Variants in PTCHD1 observed in about 807,000 individuals in gnomAD.
The protein encoded by PTCHD1 is patched domain containing 1, also known as patched domain-containing protein 1.
In PTCHD1, 3 loss-of-function variants were observed where a neutral mutation model predicts 34.6. The ratio of observed to expected loss-of-function variants is 0.09; its 90% CI spans 0.04 to 0.22. PTCHD1 has a LOEUF of 0.22. PTCHD1 is among the 10% of genes least tolerant of loss of function. PTCHD1 has a pLI of 1.00. For missense variants in PTCHD1, 504 were observed against 685.5 expected (o/e 0.74, Z 2.96); for synonymous variants, 305 against 283.1 (o/e 1.08, Z -0.77).
chrX:23,394,382 G>T lies in PTCHD1; in HGVS notation c.*197G>T. On this transcript the variant is annotated 3_prime_UTR_variant, in exon 3 of 3. Coordinates refer to ENST00000379361, the MANE Select transcript of PTCHD1 (RefSeq NM_173495.3). ...TATTTTCAGTCTTTAAAACAAAGGA[G>T]TTGTTATGAGAATTCACACACACAT... is the stretch of plus-strand genomic sequence containing the variant. The T allele has an allele frequency of 6.0e-6, 2 of 334,264 alleles. No homozygotes were observed. Among genetic ancestry groups the T allele is most frequent in the Non-Finnish European group, 5.2e-6 (1 of 192,434 alleles). The allele number at this position is 334,264 out of a possible 1,213,427, so 27.5% of individuals were successfully genotyped here.
chrX:23,350,458 GT>G (rs1186298513), intron 1 of PTCHD1, among the ~76,000 whole-genome samples: 1 of 111,927 alleles, frequency 8.9e-6, no homozygotes, highest in African/African-American at 3.2e-5. Flanking sequence ...GGATGATGCT[GT>G]GTTAACCATT....
chrX:23,393,244 C>G lies in PTCHD1; in HGVS notation c.1726C>G (p.Leu576Val), dbSNP rs1212631256. 1 of 1,209,215 alleles carries G rather than the reference C, an allele frequency of 8.3e-7. No homozygotes were observed. Among genetic ancestry groups the G allele is most frequent in the Non-Finnish European group, 1.1e-6 (1 of 893,192 alleles). Residue 576 changes from leucine (L) to valine (V), a missense_variant, in exon 3 of 3, where the codon CTA becomes GTA. Physicochemically the swap from Leu to Val is conservative, Grantham distance 32. Coordinates refer to ENST00000379361, the MANE Select transcript of PTCHD1 (RefSeq NM_173495.3). ...GAACACTAGTGTCCAAGAAGATGTTCTAGAATACACCAAGGGGTTTGTGCG... is the reference window on the plus strand; with the variant it reads ...GAACACTAGTGTCCAAGAAGATGTTGTAGAATACACCAAGGGGTTTGTGCG... ...YWNTSVQEDVLEYTKGFVRIS... is the reference protein window; with the variant it reads ...YWNTSVQEDVVEYTKGFVRIS...
chrX:23,384,898 AAC>A (rs1172743809), intron 2 of PTCHD1, among the ~76,000 whole-genome samples: 1 of 112,003 alleles, frequency 8.9e-6, no homozygotes, highest in Admixed American at 9.4e-5. Context: ...GGTTCAGCCT[AAC>A]ACATTATTGT....
At chrX:23,365,591 G>A (rs1232209130) in intron 1 of PTCHD1, among the ~76,000 whole-genome samples, 1 of 111,556 alleles carries the variant, frequency 9.0e-6, no homozygotes, top group Admixed American at 9.5e-5. Flanking sequence ...GGGAAGCTCT[G>A]GGAACCAGCT....
At chrX:23,358,575 A>C (rs1178747620) in intron 1 of PTCHD1, among the ~76,000 whole-genome samples, 1 of 111,445 alleles carries the variant, frequency 9.0e-6, no homozygotes, top group Non-Finnish European at 1.9e-5. Flanking sequence ...AAATTGCAAA[A>C]ATTTTCTCCC....
chrX:23,379,317 C>T (rs756612272), intron 1 of PTCHD1, among the ~76,000 whole-genome samples: 5 of 111,872 alleles, frequency 4.5e-5, no homozygotes, highest in Non-Finnish European at 7.5e-5. Flanking sequence ...TCCTGGGCTA[C>T]ACCCCAGAAA....
In PTCHD1 at chrX:23,392,603, A is replaced by T. The variant is rs751507321; in HGVS notation, c.1085A>T (p.Glu362Val). 3.3e-6 allele frequency: 4 copies of T among 1,206,386 alleles called. No individual in the cohort carries two copies. In the South Asian group the frequency reaches 7.1e-5, roughly 21 times the overall value. Residue 362 changes from glutamate (E) to valine (V), a missense_variant, in exon 3 of 3, where the codon GAG becomes GTG. Transcript: ENST00000379361. ...RKTREDQHVK[E>V]RTAAVYADSM... is the part of the protein sequence containing the mutation. ...ACTAGAGAAGACCAACATGTTAAAG[A>T]GAGAACTGCAGCAGTCTATGCAGAC...
At chrX:23,345,570 C>T (rs750166149) in intron 1 of PTCHD1, among the ~76,000 whole-genome samples, 2 of 111,972 alleles carry the variant, frequency 1.8e-5, no homozygotes, top group Admixed American at 1.9e-4. Flanking sequence ...AGAACTTGTT[C>T]GAAACAGATT....
In PTCHD1 at chrX:23,392,879, C is replaced by G; in HGVS notation, c.1361C>G (p.Pro454Arg). 8.3e-7 allele frequency: 1 copy of G among 1,211,645 alleles called. No individual in the cohort carries two copies. Among genetic ancestry groups the G allele is most frequent in the Non-Finnish European group, 1.1e-6 (1 of 895,275 alleles). Residue 454 changes from proline to arginine, a missense_variant, in exon 3 of 3, where the codon CCG (proline) becomes CGG (arginine). Physicochemically the swap from Pro to Arg is moderately radical, Grantham distance 103. Transcript: ENST00000379361. Reference protein sequence around the residue: ...VPKPEALQEKPAWYRFLLTAR... With the variant: ...VPKPEALQEKRAWYRFLLTAR... ...AAGCCTGAGGCATTGCAGGAGAAGC[C>G]GGCATGGTACAGGTTTCTCCTGACG...
chrX:23,335,786 C>A (rs1450359130), intron 1 of PTCHD1, among the ~76,000 whole-genome samples: 1 of 111,408 alleles, frequency 9.0e-6, no homozygotes, highest in Non-Finnish European at 1.9e-5. Flanking sequence ...CCCACCCACC[C>A]AGAAAGAAGT....
chrX:23,364,371 G>GACACACAC (rs200572986), intron 1 of PTCHD1, among the ~76,000 whole-genome samples: 68 of 91,999 alleles, frequency 7.4e-4, no homozygotes, highest in East Asian at 1.8e-3. Context: ...GAAGAGTGTA[G>GACACACAC]ACACACACAC....
chrX:23,354,307 CGT>C (rs1921735163), intron 1 of PTCHD1, among the ~76,000 whole-genome samples: 1 of 109,140 alleles, frequency 9.2e-6, no homozygotes, highest in Non-Finnish European at 1.9e-5. Context: ...TTTGAGTTAA[CGT>C]GTGTAAAGCC....
chrX:23,353,185 G>A (rs1315186515), intron 1 of PTCHD1, among the ~76,000 whole-genome samples: 2 of 112,748 alleles, frequency 1.8e-5, no homozygotes, highest in Non-Finnish European at 3.8e-5. Context: ...TTGTGGTTTT[G>A]CTAATTTACT....
chrX:23,387,403 G>A (rs752182688), intron 2 of PTCHD1, among the ~76,000 whole-genome samples: 156 of 110,567 alleles, frequency 1.4e-3, no homozygotes, highest in African/African-American at 5.0e-3. Context: ...TTTTTTTTCC[G>A]CCATTAGTGT....
chrX:23,335,575 G>A (rs770029155), intron 1 of PTCHD1, among the ~76,000 whole-genome samples: 1 of 113,152 alleles, frequency 8.8e-6, no homozygotes, highest in Non-Finnish European at 1.9e-5. Context: ...GCAAGGAGCA[G>A]AACGAGAGAA....
At chrX:23,364,880 A>G (rs909153238) in intron 1 of PTCHD1, among the ~76,000 whole-genome samples, 1 of 112,696 alleles carries the variant, frequency 8.9e-6, no homozygotes, top group Non-Finnish European at 1.9e-5. Flanking sequence ...CTTTTATTCC[A>G]AATAAAGTAA....
At chrX:23,363,736 G>A (rs1453711095) in intron 1 of PTCHD1, among the ~76,000 whole-genome samples, 1 of 112,541 alleles carries the variant, frequency 8.9e-6, no homozygotes, top group South Asian at 3.6e-4. Context: ...CTTCTACGTC[G>A]ATCACGCTGT....
intron 1 of PTCHD1, among the ~76,000 whole-genome samples, chrX:23,351,864 T>G (rs771580066): frequency 8.9e-6 from 1 of 112,142 alleles, no homozygotes; most frequent in South Asian, 3.7e-4. Flanking sequence ...AAATCACTCT[T>G]TGAGGTATAG....
Position 23,379,898 on chromosome X carries a change from G to A in PTCHD1, c.659G>A (p.Ser220Asn), listed in dbSNP as rs867048783. Residue 220 changes from serine (S) to asparagine (N), a missense_variant, in exon 2 of 3, where the codon AGT (serine) becomes AAT (asparagine). Transcript: ENST00000379361. The part of the protein sequence containing the change: ...QLTYYLQSIN[S>N]LNDMVAERWE... ...ACCTACTACCTGCAGTCAATCAACA[G>A]TCTCAATGACATGGTGGCTGAGAGG... 8.3e-7 allele frequency: 1 copy of A among 1,210,187 alleles called. No homozygotes were observed. Among genetic ancestry groups the A allele is most frequent in the African/African-American group, 1.7e-5 (1 of 57,254 alleles).
Sources: gnomAD v4.1 joint callset for allele counts (sites outside exome capture counted in the v4.1 genomes callset) on GRCh38, gnomAD v4.1.1 for gene constraint, MANE v1.5 for transcripts, NCBI Gene and HGNC (gene_info 2026-07-23, HGNC 2026-07-21) for gene names.